The following NFASC variants were observed in gnomAD, a reference collection of about 807,000 sequenced individuals.
NFASC encodes the protein neurofascin homolog.
A neutral mutation model predicts 147.5 loss-of-function variants in NFASC; 43 were observed. That is an observed-to-expected ratio of 0.29 (90% confidence interval 0.23 to 0.38). NFASC has a LOEUF of 0.38. Ranked by LOEUF, NFASC falls within the 10% of genes least tolerant of loss-of-function variation. The pLI, the probability that NFASC is intolerant of heterozygous loss-of-function variation, is 1.00. For synonymous variants in NFASC, 622 were observed against 665.5 expected (o/e 0.93, Z 1.01); for missense variants, 1,320 against 1,689.0 (o/e 0.78, Z 3.83).
chr1:204,988,594 G>C lies in NFASC; in HGVS notation c.2594-39G>C, dbSNP rs749410403. 1.9e-6 allele frequency: 3 copies of C among 1,582,596 alleles called. No individual in the cohort carries two copies. The East Asian group carries it at 6.7e-5, about 35-fold the overall frequency. ...CAGATTATATAACCCATCAATAAAT[G>C]TTGCTAAAGTTTAATTCCACTTACC... is the stretch of plus-strand genomic sequence containing the variant. On this transcript the variant is annotated intron_variant, in intron 22 of 29. Transcript: ENST00000339876.
intron 2 of NFASC, 65 bp from the exon 3 acceptor site, chr1:204,944,160 GT>G: frequency 6.9e-7 from 1 of 1,444,696 alleles, no homozygotes; most frequent in Non-Finnish European, 9.4e-7. Context: ...CCAAAGCCCT[GT>G]AGGATTGCTA....
intron 1 of NFASC, among the ~76,000 whole-genome samples, chr1:204,886,798 A>C (rs1423549129): frequency 6.6e-6 from 1 of 152,154 alleles, no homozygotes; most frequent in African/African-American, 2.4e-5. Context: ...TGCCCATTCT[A>C]GTGCTCTAAA....
intron 1 of NFASC, among the ~76,000 whole-genome samples, chr1:204,895,882 C>T (rs937295948): frequency 2.6e-5 from 4 of 152,150 alleles, no homozygotes; most frequent in Non-Finnish European, 4.4e-5. Flanking sequence ...TCATAATCAC[C>T]TTCTTAGAGA....
At chr1:204,919,314 C>CGGTG (rs2089988730) in intron 1 of NFASC, among the ~76,000 whole-genome samples, 1 of 152,118 alleles carries the variant, frequency 6.6e-6, no homozygotes, top group Non-Finnish European at 1.5e-5. Context: ...CGTGAGCCAC[C>CGGTG]GCACCTGGCC....
chr1:204,954,495 TTGG>T lies in NFASC; in HGVS notation c.412+114_412+116del, dbSNP rs2094326309. 6 of 997,820 alleles carry T rather than the reference TTGG, an allele frequency of 6.0e-6. No homozygotes were observed. In the South Asian group the frequency reaches 9.7e-5, roughly 16 times the overall value. 61.8% of individuals were successfully genotyped at this position (997,820 alleles called of 1,614,324 possible). A position where few individuals can be genotyped will look rare whatever the true frequency, so the allele number is the denominator to read the frequency against. On this transcript the variant is annotated intron_variant, in intron 6 of 29. Coordinates refer to ENST00000339876, the MANE Select transcript of NFASC (RefSeq NM_001005388.3). The surrounding 1 kb of genome is among the most constrained non-coding windows in gnomAD (Gnocchi z 5.7). ...CCCCTGCCCTTGGCCTGCAGTTGCC[TTGG>T]TGTTCTCTATGCATCTTCCCCACCT...
In NFASC at chr1:204,828,685, C is replaced by T; in HGVS notation, c.-297C>T. On this transcript the variant is annotated 5_prime_UTR_variant, in exon 1 of 30. Coordinates refer to ENST00000339876, the MANE Select transcript of NFASC (RefSeq NM_001005388.3). The stretch of plus-strand genomic sequence containing the variant: ...GCTGGTCTCTGCCCTAATGCGGCGG[C>T]TGGCGGCGAGAGGCGCTGCAGGGGA... 2 of 985,396 alleles carry T rather than the reference C, an allele frequency of 2.0e-6. No individual in the cohort carries two copies. The highest frequency in any genetic ancestry group is 2.4e-6 in the Non-Finnish European group (2 of 830,032). 61.0% of individuals were successfully genotyped at this position (985,396 alleles called of 1,614,324 possible). A position where few individuals can be genotyped will look rare whatever the true frequency, so the allele number is the denominator to read the frequency against.
intron 26 of NFASC, among the ~76,000 whole-genome samples, chr1:205,001,820 G>A (rs988474413): frequency 1.3e-4 from 20 of 152,182 alleles, no homozygotes; most frequent in Non-Finnish European, 2.9e-5. Context: ...AGATTCGTTG[G>A]ACTGCAGAGT....
chr1:204,993,833 A>G, intron 24 of NFASC: 1 of 512,318 alleles, frequency 2.0e-6, no homozygotes, highest in South Asian at 1.4e-5. Context: ...TTGCTCTTCT[A>G]TCCTCTCCTC....
chr1:204,856,382 GGTGTGTGTGT>G (rs57653534), intron 1 of NFASC, among the ~76,000 whole-genome samples: 14 of 139,782 alleles, frequency 1.0e-4, no homozygotes, highest in Admixed American at 2.9e-4. Context: ...ATGCAGAACA[GGTGTGTGTGT>G]GTGTGTGTGT....
Position 204,997,305 on chromosome 1 carries a change from C to T in NFASC, c.2918C>T (p.Thr973Ile), listed in dbSNP as rs1263330634. The T allele has an allele frequency of 1.9e-6, 3 of 1,597,090 alleles. No homozygotes were observed. The highest frequency in any genetic ancestry group is 1.7e-5 in the Admixed American group (1 of 57,164). The change falls in exon 25 of 30, where the codon ACC becomes ATC. Residue 973 changes from threonine to isoleucine, a missense_variant. Around this residue, in one of 3 missense-constraint regions of NFASC, gnomAD observed 172 missense variants for 165.8 expected, o/e 1.04. Transcript: ENST00000339876. ...ACTGTCGCACCTACCACCATCGCCA[C>T]CACCACCACCGTCGCCACAACTACT... is the stretch of plus-strand genomic sequence containing the variant. ...IPTVAPTTIATTTTVATTTTT... is the reference protein window; with the variant it reads ...IPTVAPTTIAITTTVATTTTT...
At chr1:205,008,271 G>A (rs1009885196) in intron 27 of NFASC, among the ~76,000 whole-genome samples, 3 of 152,214 alleles carry the variant, frequency 2.0e-5, no homozygotes, top group Admixed American at 1.3e-4. Context: ...GGGTGGGCTT[G>A]CACCCAGATA....
At chr1:204,984,235 C>A in intron 21 of NFASC, 2 of 808,052 alleles carry the variant, frequency 2.5e-6, no homozygotes, top group Non-Finnish European at 4.2e-6. Context: ...TTGAAAGAAA[C>A]CCTAGCGTTG....
chr1:204,972,126 C>T (rs184651895), intron 11 of NFASC, among the ~76,000 whole-genome samples: 2 of 152,300 alleles, frequency 1.3e-5, no homozygotes, highest in East Asian at 3.9e-4. Flanking sequence ...GTCTTCCTTT[C>T]CCATCTGCTG....
intron 1 of NFASC, among the ~76,000 whole-genome samples, chr1:204,869,684 G>T (rs1191009808): frequency 6.6e-6 from 1 of 152,118 alleles, no homozygotes; most frequent in Non-Finnish European, 1.5e-5. Context: ...AGGCTCGCCT[G>T]CACTAAGTAA....
intron 2 of NFASC, among the ~76,000 whole-genome samples, chr1:204,932,816 C>A (rs1245207290): frequency 6.6e-6 from 1 of 152,180 alleles, no homozygotes; most frequent in East Asian, 1.9e-4. Flanking sequence ...GTGCCACATG[C>A]CCCAGAGAGG....
intron 7 of NFASC, among the ~76,000 whole-genome samples, chr1:204,956,180 G>GT (rs2094419737): frequency 6.6e-6 from 1 of 152,070 alleles, no homozygotes; most frequent in Non-Finnish European, 1.5e-5. Context: ...TTTTTCCCTG[G>GT]GTTACAAGAA....
intron 1 of NFASC, among the ~76,000 whole-genome samples, chr1:204,872,217 C>T (rs1347780350): frequency 2.6e-5 from 4 of 152,314 alleles, no homozygotes; most frequent in African/African-American, 9.6e-5. Flanking sequence ...GCGGAGTGCT[C>T]CCTCAACCCT....
intron 28 of NFASC, among the ~76,000 whole-genome samples, chr1:205,011,805 C>T (rs961952202): frequency 1.3e-5 from 2 of 152,246 alleles, no homozygotes; most frequent in Non-Finnish European, 2.9e-5. Context: ...ATAGGCCGGG[C>T]GCGGTGGCTC....
At chr1:204,918,040 T>G (rs554473172) in intron 1 of NFASC, among the ~76,000 whole-genome samples, 1 of 152,310 alleles carries the variant, frequency 6.6e-6, no homozygotes, top group East Asian at 1.9e-4. Flanking sequence ...TACAGAATTT[T>G]TACGCAATCT....
Sources: gnomAD v4.1 joint callset for allele counts (sites outside exome capture counted in the v4.1 genomes callset) on GRCh38, gnomAD v4.1.1 for gene constraint, gnomAD v4.1.1 regional missense constraint, Gnocchi (gnomAD v3.1) non-coding constraint, MANE v1.5 for transcripts, NCBI Gene and HGNC (gene_info 2026-07-23, HGNC 2026-07-21) for gene names.